Variants in ROBO1 observed in about 807,000 individuals in gnomAD.
The protein encoded by ROBO1 is roundabout homolog 1.
ROBO1 carries 149 observed loss-of-function variants against 195.9 expected under a neutral mutation model. That is an observed-to-expected ratio of 0.76 (90% CI 0.67 to 0.87). The LOEUF (loss-of-function observed/expected upper bound fraction) is 0.87, where lower values mean the gene tolerates loss of function less well. Among genes scored for constraint, ROBO1 ranks in the 40% least tolerant of loss-of-function variants. The pLI is 0.00. For synonymous variants in ROBO1, 816 were observed against 733.2 expected, an observed-to-expected ratio of 1.11 and a Z score of -1.82; for missense variants, 1,933 against 2,068.3, an observed-to-expected ratio of 0.93 and a Z score of 1.27.
At chr3:78,906,049 C>T (rs1458167797) in intron 4 of ROBO1, among the ~76,000 whole-genome samples, 4 of 152,086 alleles carry the variant, frequency 2.6e-5, no homozygotes, top group Non-Finnish European at 5.9e-5. Context: ...AATGTGAATA[C>T]TTTTTTGTTG....
At position 79,333,159 on chromosome 3, in the gene ROBO1, C is replaced by T. The variant is rs375106475; in HGVS notation, c.89-207620G>A. Among the ~76,000 whole-genome samples, 4 of 150,532 alleles carry T rather than the reference C, an allele frequency of 2.7e-5. No individual in the cohort carries two copies. The East Asian group carries it at 7.9e-4, about 30-fold the overall frequency. ...CGGAGGTTCCAGTGAGCCGAGACGG[C>T]GCCATTTACTGCACTCCAACTTGGG... is the stretch of plus-strand genomic sequence containing the variant. On this transcript the variant is annotated intron_variant, in intron 2 of 30. Transcript: ENST00000464233.
rs772091486 is a variant in ROBO1, at chr3:78,631,204, G to A, written c.3583C>T (p.Pro1195Ser). ...TTGTACTCTTCGCTATTGCTGTGTG[G>A]AGGAGGATGTGCTGGGGGAGGAGGA... ...LLPPPPAHPPPHSNSEEYNIS... is the reference protein window; with the variant it reads ...LLPPPPAHPPSHSNSEEYNIS... Residue 1195 changes from proline to serine, a missense_variant, in exon 25 of 31, where the codon CCA (proline) becomes TCA (serine). Pro to Ser is a moderately conservative substitution (Grantham distance 74). Coordinates refer to ENST00000464233, the MANE Select transcript of ROBO1 (RefSeq NM_002941.4). 5 of 1,613,062 alleles carry A rather than the reference G, an allele frequency of 3.1e-6. No individual in the cohort carries two copies. In the South Asian group the frequency reaches 4.4e-5, roughly 14 times the overall value.
chr3:78,636,940 TA>T (rs1705544900), intron 22 of ROBO1, among the ~76,000 whole-genome samples: 1 of 59,270 alleles, frequency 1.7e-5, no homozygotes, highest in Non-Finnish European at 3.5e-5. Flanking sequence ...TCATTTTATA[TA>T]TATATATATA....
intron 2 of ROBO1, among the ~76,000 whole-genome samples, chr3:79,545,384 G>T (rs1481208105): frequency 6.6e-6 from 1 of 152,148 alleles, no homozygotes; most frequent in Non-Finnish European, 1.5e-5. Flanking sequence ...GAAATGAATG[G>T]TTTGTATAGT....
chr3:79,715,551 T>C (rs964680627), intron 1 of ROBO1, among the ~76,000 whole-genome samples: 1 of 152,182 alleles, frequency 6.6e-6, no homozygotes. Context: ...TAGTACAGTA[T>C]TATGTAAACA....
chr3:79,012,258 CAAAGCAATCACTTGACA>C, intron 3 of ROBO1, among the ~76,000 whole-genome samples: 1 of 152,286 alleles, frequency 6.6e-6, no homozygotes, highest in East Asian at 1.9e-4. Flanking sequence ...ATGCTGCATA[CAAAGCAATCACTTGACA>C]CAAAAAGACT....
chr3:79,067,854 T>C (rs558267628), intron 3 of ROBO1, among the ~76,000 whole-genome samples: 1 of 152,056 alleles, frequency 6.6e-6, no homozygotes, highest in African/African-American at 2.4e-5. Flanking sequence ...AGTCAAGCTG[T>C]TGGCTGACAT....
intron 2 of ROBO1, among the ~76,000 whole-genome samples, chr3:79,570,347 A>G (rs974954237): frequency 2.0e-5 from 3 of 152,094 alleles, no homozygotes; most frequent in Non-Finnish European, 4.4e-5. Context: ...TAGGCTTCCA[A>G]GAGAGAAAGT....
chr3:79,642,514 G>A (rs1333030190), intron 1 of ROBO1, among the ~76,000 whole-genome samples: 1 of 152,056 alleles, frequency 6.6e-6, no homozygotes, highest in Non-Finnish European at 1.5e-5. Context: ...GGGCTTTTAA[G>A]AGCAGCAAAA....
intron 4 of ROBO1, among the ~76,000 whole-genome samples, chr3:78,822,121 A>ACACACAC: frequency 8.4e-6 from 1 of 118,962 alleles, no homozygotes; most frequent in Admixed American, 8.2e-5. Context: ...CACACACACA[A>ACACACAC]ATGTACGGTG....
chr3:79,407,611 T>G (rs559051815), intron 2 of ROBO1, among the ~76,000 whole-genome samples: 55 of 152,284 alleles, frequency 3.6e-4, no homozygotes, highest in South Asian at 8.3e-4. Flanking sequence ...GTTATTTTAG[T>G]GGGTATGAGC....
At chr3:78,824,606 T>A (rs2108698622) in intron 4 of ROBO1, among the ~76,000 whole-genome samples, 1 of 152,304 alleles carries the variant, frequency 6.6e-6, no homozygotes, top group East Asian at 1.9e-4. Flanking sequence ...GAAAATAAGT[T>A]TTGGAATGAA....
intron 2 of ROBO1, among the ~76,000 whole-genome samples, chr3:79,388,572 A>G (rs1450053900): frequency 6.6e-6 from 1 of 151,830 alleles, no homozygotes; most frequent in Non-Finnish European, 1.5e-5. Context: ...AAAAAAAATC[A>G]CTCTGGTCAG....
At chr3:79,606,900 T>C (rs1241841297) in intron 1 of ROBO1, among the ~76,000 whole-genome samples, 1 of 152,024 alleles carries the variant, frequency 6.6e-6, no homozygotes, top group Admixed American at 6.6e-5. Flanking sequence ...TTACTAACTG[T>C]ACTTTATTTA....
chr3:79,459,968 T>C lies in ROBO1; in HGVS notation c.88+129856A>G, dbSNP rs144387541. On this transcript the variant is annotated intron_variant, in intron 2 of 30. Coordinates refer to ENST00000464233, the MANE Select transcript of ROBO1 (RefSeq NM_002941.4). ...CTGCATTAGTAGTAAGCTTAGGATT[T>C]TATAATTTTTCTTTGAAGTGATAAA... Among the ~76,000 whole-genome samples the C allele has an allele frequency of 3.9e-5, 6 of 152,270 alleles. No homozygotes were observed. In the East Asian group the frequency reaches 1.2e-3, roughly 29 times the overall value.
intron 3 of ROBO1, among the ~76,000 whole-genome samples, chr3:79,035,038 A>C (rs145855326): frequency 6.6e-6 from 1 of 152,264 alleles, no homozygotes; most frequent in African/African-American, 2.4e-5. Flanking sequence ...TACAATATTT[A>C]CAGAGTTACT....
At chr3:79,460,727 T>G (rs891274412) in intron 2 of ROBO1, among the ~76,000 whole-genome samples, 8 of 152,198 alleles carry the variant, frequency 5.3e-5, no homozygotes, top group African/African-American at 1.9e-4. Context: ...CTAGCATGTT[T>G]AAGCAGTATT....
intron 1 of ROBO1, among the ~76,000 whole-genome samples, chr3:79,746,550 T>C: frequency 6.6e-6 from 1 of 152,108 alleles, no homozygotes; most frequent in East Asian, 1.9e-4. Flanking sequence ...ACAACAGTTA[T>C]GTTAGCTCAA....
chr3:79,341,370 T>C (rs191264892), intron 2 of ROBO1, among the ~76,000 whole-genome samples: 2 of 152,332 alleles, frequency 1.3e-5, no homozygotes, highest in Non-Finnish European at 2.9e-5. Flanking sequence ...CAACTTTCAA[T>C]TGGATAGGCA....
Sources: allele counts gnomAD v4.1 joint callset (sites outside exome capture counted in the v4.1 genomes callset), GRCh38; gene constraint gnomAD v4.1.1; transcripts MANE v1.5; gene names NCBI Gene and HGNC (gene_info 2026-07-23, HGNC 2026-07-21).